Variants in CORO1C observed in about 807,000 individuals in gnomAD.
The protein encoded by CORO1C is coronin 1C, also known as coronin-1C.
A neutral mutation model predicts 51.2 loss-of-function variants in CORO1C; 14 were observed. The ratio of observed to expected loss-of-function variants is 0.27; its 90% CI spans 0.18 to 0.43. The LOEUF (loss-of-function observed/expected upper bound fraction) is 0.43, where lower values mean the gene tolerates loss of function less well. CORO1C is among the 20% of genes least tolerant of loss of function. The probability of loss-of-function intolerance (pLI) is 1.00; values close to 1 mark genes in which losing one functional copy is unlikely to be tolerated. For synonymous variants in CORO1C, 181 were observed against 210.5 expected (o/e 0.86, Z 1.21); for missense variants, 417 against 607.8 (o/e 0.69, Z 3.30).
intron 1 of CORO1C, among the ~76,000 whole-genome samples, chr12:108,714,200 C>T (rs560665522): frequency 6.6e-6 from 1 of 152,056 alleles, no homozygotes; most frequent in Admixed American, 6.5e-5. Context: ...ACCATCCTGG[C>T]CAACATAGTG....
At chr12:108,693,962 C>T (rs1323854378) in intron 2 of CORO1C, among the ~76,000 whole-genome samples, 3 of 152,174 alleles carry the variant, frequency 2.0e-5, no homozygotes, top group Non-Finnish European at 4.4e-5. Context: ...ACAAAGCACC[C>T]CCCTGGAGAG....
intron 2 of CORO1C, among the ~76,000 whole-genome samples, chr12:108,683,420 A>C (rs900719458): frequency 7.2e-6 from 1 of 139,378 alleles, no homozygotes; most frequent in Non-Finnish European, 1.5e-5. Flanking sequence ...CTCTGTCTCA[A>C]AAAAAAAAAA....
At chr12:108,666,099 A>G (rs950315775) in intron 3 of CORO1C, among the ~76,000 whole-genome samples, 4 of 152,226 alleles carry the variant, frequency 2.6e-5, no homozygotes, top group African/African-American at 9.6e-5. Context: ...TGAGGAGGTG[A>G]CCTCTAAGGA....
intron 2 of CORO1C, among the ~76,000 whole-genome samples, chr12:108,694,784 C>T (rs2136857003): frequency 2.8e-5 from 1 of 36,116 alleles, no homozygotes; most frequent in East Asian, 8.6e-4. Context: ...TATTATATTT[C>T]TACGTAGATT....
At chr12:108,717,304 C>T (rs532192031) in intron 1 of CORO1C, among the ~76,000 whole-genome samples, 2 of 152,156 alleles carry the variant, frequency 1.3e-5, no homozygotes, top group Non-Finnish European at 2.9e-5. Context: ...GAAGAGGCTG[C>T]GAGGTCAGCA....
At chr12:108,682,438 A>G (rs2034155343) in intron 2 of CORO1C, among the ~76,000 whole-genome samples, 2 of 152,212 alleles carry the variant, frequency 1.3e-5, no homozygotes, top group Admixed American at 1.3e-4. Context: ...ATGCACTATT[A>G]GCGATTAATG....
At chr12:108,721,243 T>G (rs1454855778) in intron 1 of CORO1C, among the ~76,000 whole-genome samples, 3 of 152,246 alleles carry the variant, frequency 2.0e-5, no homozygotes, top group Non-Finnish European at 4.4e-5. Flanking sequence ...ATTGTATAAA[T>G]GCATAACCTA....
chr12:108,702,588 T>G (rs544709982), intron 1 of CORO1C, among the ~76,000 whole-genome samples: 1 of 152,206 alleles, frequency 6.6e-6, no homozygotes, highest in Non-Finnish European at 1.5e-5. Context: ...GATAAAAATC[T>G]AAGTGGAAAT....
intron 1 of CORO1C, among the ~76,000 whole-genome samples, chr12:108,719,736 A>C (rs879827361): frequency 1.3e-4 from 20 of 152,230 alleles, no homozygotes; most frequent in African/African-American, 4.3e-4. Context: ...TGAGAAACTC[A>C]AAAAGAGAAA....
intron 10 of CORO1C, 93 bp downstream of exon 10, chr12:108,648,512 G>A: frequency 6.5e-7 from 1 of 1,541,988 alleles, no homozygotes; most frequent in South Asian, 1.2e-5. Context: ...GCACCCAGCT[G>A]GGACAGTACT....
At chr12:108,714,980 C>T (rs922813824) in intron 1 of CORO1C, among the ~76,000 whole-genome samples, 5 of 151,990 alleles carry the variant, frequency 3.3e-5, no homozygotes, top group East Asian at 3.9e-4. Flanking sequence ...CGTAATGTGA[C>T]GCTATGAAAA....
intron 3 of CORO1C, among the ~76,000 whole-genome samples, chr12:108,662,812 GA>G (rs1482476240): frequency 6.6e-6 from 1 of 151,172 alleles, no homozygotes; most frequent in African/African-American, 2.5e-5. Context: ...TATTACAAAA[GA>G]AAAAAATGAA....
At chr12:108,699,429 T>C (rs1368152454) in intron 2 of CORO1C, among the ~76,000 whole-genome samples, 1 of 152,202 alleles carries the variant, frequency 6.6e-6, no homozygotes, top group South Asian at 2.1e-4. Flanking sequence ...GCTTGTTCCA[T>C]TTCTTTGAAG....
intron 1 of CORO1C, among the ~76,000 whole-genome samples, chr12:108,729,102 C>A (rs2035656616): frequency 6.6e-6 from 1 of 152,148 alleles, no homozygotes; most frequent in Non-Finnish European, 1.5e-5. Flanking sequence ...TCGACATACC[C>A]ACTTATATAA....
At chr12:108,703,774 T>C (rs1465862994) in intron 1 of CORO1C, among the ~76,000 whole-genome samples, 4 of 88,106 alleles carry the variant, frequency 4.5e-5, no homozygotes, top group Non-Finnish European at 8.5e-5. Context: ...GGCCTGACTA[T>C]GGGCCTGGAT....
Position 108,647,544 on chromosome 12 carries a change from G to A in CORO1C, c.1306-22C>T, listed in dbSNP as rs774905941. On this transcript the variant is annotated intron_variant, in intron 10 of 10. Coordinates refer to ENST00000261401, the MANE Select transcript of CORO1C (RefSeq NM_014325.4). The stretch of plus-strand genomic sequence containing the variant: ...TTTGCTAAGAAAACAAAAAAAGGAG[G>A]CAGTGATTAAAATGCAGTAAACAAA... 4.5e-6 allele frequency: 7 copies of A among 1,563,576 alleles called. No individual in the cohort carries two copies. The African/African-American group carries it at 9.5e-5, about 21-fold the overall frequency.
At chr12:108,659,677 A>G (rs570031630) in intron 4 of CORO1C, among the ~76,000 whole-genome samples, 39 of 152,180 alleles carry the variant, frequency 2.6e-4, no homozygotes, top group Non-Finnish European at 4.7e-4. Context: ...AGGGCACTCA[A>G]CAAAAACTCT....
intron 2 of CORO1C, among the ~76,000 whole-genome samples, chr12:108,683,775 A>C (rs1193080971): frequency 1.3e-5 from 2 of 152,154 alleles, no homozygotes; most frequent in African/African-American, 4.8e-5. Flanking sequence ...ATCAGCAAAT[A>C]CCAAAAAACA....
intron 2 of CORO1C, among the ~76,000 whole-genome samples, chr12:108,679,182 AAAAAG>A (rs1245183460): frequency 6.6e-6 from 1 of 150,792 alleles, no homozygotes; most frequent in Non-Finnish European, 1.5e-5. Context: ...AAAAAAAAAA[AAAAAG>A]AAAAGCTTTA....
Sources: allele counts gnomAD v4.1 joint callset (sites outside exome capture counted in the v4.1 genomes callset), GRCh38; gene constraint gnomAD v4.1.1; transcripts MANE v1.5; gene names NCBI Gene and HGNC (gene_info 2026-07-23, HGNC 2026-07-21).